Variants in HYDIN observed in about 807,000 individuals in gnomAD.
The protein encoded by HYDIN is HYDIN axonemal central pair apparatus protein.
In HYDIN, 132 loss-of-function variants were observed where a neutral mutation model predicts 403.9. The ratio of observed to expected loss-of-function variants is 0.33; its 90% CI spans 0.28 to 0.38. The LOEUF (loss-of-function observed/expected upper bound fraction) is 0.38. Among genes scored for constraint, HYDIN ranks in the 10% least tolerant of loss-of-function variants. The pLI, the probability that HYDIN is intolerant of heterozygous loss-of-function variation, is 1.00. For missense variants in HYDIN, 2,827 were observed against 5,009.5 expected, an observed-to-expected ratio of 0.56 and a Z score of 13.15; for synonymous variants, 1,202 against 1,891.7, an observed-to-expected ratio of 0.64 and a Z score of 9.46.
At chr16:70,870,631 C>T (rs1316439635) in intron 65 of HYDIN, among the ~76,000 whole-genome samples, 1 of 152,240 alleles carries the variant, frequency 6.6e-6, no homozygotes, top group East Asian at 1.9e-4. Context: ...CCCAGCCTCT[C>T]TGCCTCCTTT....
intron 81 of HYDIN, 55 bp downstream of exon 81, chr16:70,829,563 G>A: frequency 7.2e-7 from 1 of 1,390,212 alleles, no homozygotes; most frequent in Non-Finnish European, 1.0e-6. Context: ...CATTCACATA[G>A]TGCCACCTTC....
intron 41 of HYDIN, among the ~76,000 whole-genome samples, chr16:70,947,630 T>G (rs1337771375): frequency 6.6e-6 from 1 of 152,042 alleles, no homozygotes; most frequent in East Asian, 1.9e-4. Context: ...AGTTCCTCTT[T>G]GTACCTCTGG....
intron 53 of HYDIN, among the ~76,000 whole-genome samples, chr16:70,897,133 G>A (rs1421840827): frequency 1.3e-5 from 2 of 151,768 alleles, no homozygotes; most frequent in Non-Finnish European, 2.9e-5. Flanking sequence ...AATATACAAG[G>A]AACTCAATCA....
intron 9 of HYDIN, among the ~76,000 whole-genome samples, chr16:71,126,005 G>A (rs1385705443): frequency 2.0e-5 from 3 of 151,722 alleles, no homozygotes; most frequent in African/African-American, 7.3e-5. Flanking sequence ...TGTGGAGGGG[G>A]AGTCTGTGGT....
intron 1 of HYDIN, among the ~76,000 whole-genome samples, chr16:71,215,026 G>A (rs2088807513): frequency 1.3e-5 from 2 of 152,190 alleles, no homozygotes; most frequent in South Asian, 4.1e-4. Context: ...TAGACAAGAT[G>A]AGCCTGAAAC....
chr16:71,156,342 G>C (rs1313141734), intron 6 of HYDIN, among the ~76,000 whole-genome samples: 1 of 152,060 alleles, frequency 6.6e-6, no homozygotes, highest in African/African-American at 2.4e-5. Flanking sequence ...ATGTTAATTG[G>C]GTAGAGTGTG....
intron 10 of HYDIN, among the ~76,000 whole-genome samples, chr16:71,107,960 A>G (rs1469599412): frequency 1.3e-5 from 2 of 152,230 alleles, no homozygotes; most frequent in Non-Finnish European, 2.9e-5. Context: ...AATGTGATAC[A>G]TATACACTAC....
rs1398814019 is a variant in HYDIN, at chr16:70,850,657, T to A, written c.12444-2A>T. On this transcript the variant is annotated splice_acceptor_variant, in intron 73 of 85. Transcript: ENST00000393567. LOFTEE classifies it high-confidence loss of function. ...GTGAAGAAAATATCAATTGGGAACC[T>A]GGTTGGGGAACAAAACAGCAGATTA... 1 of 1,613,420 alleles carries A rather than the reference T, an allele frequency of 6.2e-7. No homozygotes were observed. The highest frequency in any genetic ancestry group is 8.5e-7 in the Non-Finnish European group (1 of 1,179,474).
chr16:71,028,998 CATG>C (rs1410768461), intron 19 of HYDIN, among the ~76,000 whole-genome samples: 1 of 150,230 alleles, frequency 6.7e-6, no homozygotes, highest in Admixed American at 6.6e-5. Flanking sequence ...GCAATCCAGT[CATG>C]ATAAGTATAT....
intron 57 of HYDIN, among the ~76,000 whole-genome samples, chr16:70,890,420 C>T (rs1177265204): frequency 6.6e-6 from 1 of 152,078 alleles, no homozygotes; most frequent in African/African-American, 2.4e-5. Flanking sequence ...TCATTATAGA[C>T]ATTACATTGT....
chr16:70,838,892 C>T (rs899020807), intron 76 of HYDIN, among the ~76,000 whole-genome samples: 4 of 123,492 alleles, frequency 3.2e-5, no homozygotes, highest in Admixed American at 1.7e-4. Flanking sequence ...CCCTACTCCA[C>T]ATGTGGGTAG....
Position 70,807,443 on chromosome 16 carries a change from T to A in HYDIN, c.*137A>T, listed in dbSNP as rs1186772012. ...TTCATATCTATATTTGGAAAACACA[T>A]AATAGGGAAATAACTGCCCTATAAT... On this transcript the variant is annotated 3_prime_UTR_variant, in exon 86 of 86. Coordinates refer to ENST00000393567, the MANE Select transcript of HYDIN (RefSeq NM_001270974.2). The A allele has an allele frequency of 3.2e-6, 3 of 932,334 alleles. No individual in the cohort carries two copies. The highest frequency in any genetic ancestry group is 1.7e-5 in the South Asian group (1 of 58,298). 57.8% of individuals were successfully genotyped at this position (932,334 alleles called of 1,614,324 possible). A position where few individuals can be genotyped will look rare whatever the true frequency, so the allele number is the denominator to read the frequency against.
intron 55 of HYDIN, among the ~76,000 whole-genome samples, chr16:70,892,764 G>A (rs2041549182): frequency 6.6e-6 from 1 of 152,198 alleles, no homozygotes; most frequent in South Asian, 2.1e-4. Context: ...ATGGTCAAGA[G>A]AGGCCATTGC....
At chr16:70,876,056 G>T (rs1299512195) in intron 62 of HYDIN, among the ~76,000 whole-genome samples, 4 of 151,862 alleles carry the variant, frequency 2.6e-5, no homozygotes, top group Admixed American at 6.6e-5. Flanking sequence ...AAGAGAATGA[G>T]GAGTAAATAG....
Position 71,073,468 on chromosome 16 carries a change from C to T in HYDIN, c.1739-3966G>A, listed in dbSNP as rs369762120. On this transcript the variant is annotated intron_variant, in intron 13 of 85. Coordinates refer to ENST00000393567, the MANE Select transcript of HYDIN (RefSeq NM_001270974.2). Reference sequence around the variant, plus strand: ...TCCGAAGGTCAACTTAGATATTTCTCCTTCAGCTACATACTGCCAATTTAT... The same window carrying T: ...TCCGAAGGTCAACTTAGATATTTCTTCTTCAGCTACATACTGCCAATTTAT... Among the ~76,000 whole-genome samples the T allele has an allele frequency of 2.4e-3, 361 of 152,318 alleles. 5 individuals carry two copies. Among genetic ancestry groups the T allele is most frequent in the African/African-American group, 8.0e-3 (334 of 41,568 alleles).
At chr16:70,824,430 A>G (rs1205996169) in intron 83 of HYDIN, among the ~76,000 whole-genome samples, 1 of 150,916 alleles carries the variant, frequency 6.6e-6, no homozygotes, top group Non-Finnish European at 1.5e-5. Context: ...GGTCATATGA[A>G]ATATTTATCT....
chr16:71,043,741 C>T (rs1355056088), intron 18 of HYDIN, among the ~76,000 whole-genome samples: 1 of 150,584 alleles, frequency 6.6e-6, no homozygotes, highest in Non-Finnish European at 1.5e-5. Context: ...TGGTTTCTTT[C>T]TTCTGCATTA....
chr16:71,010,490 T>C (rs2080046223), intron 23 of HYDIN, among the ~76,000 whole-genome samples: 1 of 151,830 alleles, frequency 6.6e-6, no homozygotes, highest in Non-Finnish European at 1.5e-5. Context: ...TGGCCTGGTA[T>C]CAACATCAGA....
At chr16:70,818,722 C>A (rs201418731) in intron 83 of HYDIN, 150 bp from the exon 84 acceptor site, 6 of 561,482 alleles carry the variant, frequency 1.1e-5, no homozygotes, top group Non-Finnish European at 1.9e-5. Flanking sequence ...GCAGCCTATC[C>A]GGATCCCTGC....
Sources: allele counts gnomAD v4.1 joint callset (sites outside exome capture counted in the v4.1 genomes callset), GRCh38; gene constraint gnomAD v4.1.1; transcripts MANE v1.5; gene names NCBI Gene and HGNC (gene_info 2026-07-23, HGNC 2026-07-21).